ZNF385D: variants seen among roughly 807,000 people sequenced by gnomAD.
The protein encoded by ZNF385D is zinc finger protein 659.
In ZNF385D, 15 loss-of-function variants were observed where a neutral mutation model predicts 35.8. The ratio of observed to expected loss-of-function variants is 0.42; its 90% CI spans 0.28 to 0.64. The LOEUF (loss-of-function observed/expected upper bound fraction) is 0.64, where lower values mean the gene tolerates loss of function less well. Among genes scored for constraint, ZNF385D ranks in the 30% least tolerant of loss-of-function variants. ZNF385D has a pLI of 0.23. For missense variants in ZNF385D, 474 were observed against 494.6 expected, an observed-to-expected ratio of 0.96 and a Z score of 0.39; for synonymous variants, 212 against 186.8, an observed-to-expected ratio of 1.13 and a Z score of -1.10.
intron 3 of ZNF385D, among the ~76,000 whole-genome samples, chr3:21,807,048 A>T (rs2072683172): frequency 6.6e-6 from 1 of 152,076 alleles, no homozygotes; most frequent in Admixed American, 6.5e-5. Flanking sequence ...ATGGGAAACC[A>T]GAAGAGAGAA....
At chr3:21,719,455 TA>T (rs1231750059) in intron 1 of ZNF385D, among the ~76,000 whole-genome samples, 2 of 152,230 alleles carry the variant, frequency 1.3e-5, no homozygotes, top group Admixed American at 6.5e-5. Flanking sequence ...CAAGCAAAGG[TA>T]TCTCCAGTAG....
At chr3:21,717,391 G>A (rs1489924933) in intron 1 of ZNF385D, among the ~76,000 whole-genome samples, 1 of 152,134 alleles carries the variant, frequency 6.6e-6, no homozygotes, top group Non-Finnish European at 1.5e-5. Context: ...AACGCACATG[G>A]GGTTTTCAAA....
intron 3 of ZNF385D, among the ~76,000 whole-genome samples, chr3:21,514,216 G>T (rs1168007069): frequency 6.6e-6 from 1 of 152,098 alleles, no homozygotes; most frequent in African/African-American, 2.4e-5. Flanking sequence ...GGTCGTCATT[G>T]CCAGACACCT....
intron 3 of ZNF385D, among the ~76,000 whole-genome samples, chr3:21,947,883 A>T (rs1411506422): frequency 6.6e-6 from 1 of 152,086 alleles, no homozygotes; most frequent in African/African-American, 2.4e-5. Context: ...TTGAAGCAAT[A>T]TTTCTCCTGG....
intron 2 of ZNF385D, among the ~76,000 whole-genome samples, chr3:22,184,888 T>C (rs1283986089): frequency 6.6e-6 from 1 of 152,150 alleles, no homozygotes; most frequent in African/African-American, 2.4e-5. Flanking sequence ...TGTGGCTCCA[T>C]AGATACCTGT....
chr3:21,533,837 T>C (rs2125541054), intron 3 of ZNF385D, among the ~76,000 whole-genome samples: 1 of 152,236 alleles, frequency 6.6e-6, no homozygotes, highest in Admixed American at 6.5e-5. Flanking sequence ...GGAGAGACTA[T>C]ATTGGCAGAG....
chr3:22,154,525 C>T (rs1705461879), intron 3 of ZNF385D, among the ~76,000 whole-genome samples: 1 of 152,176 alleles, frequency 6.6e-6, no homozygotes, highest in East Asian at 1.9e-4. Context: ...TAAGCTCTGT[C>T]TGATCTCTTT....
chr3:21,857,829 G>A (rs1444697934), intron 3 of ZNF385D, among the ~76,000 whole-genome samples: 11 of 151,932 alleles, frequency 7.2e-5, no homozygotes, highest in Admixed American at 5.3e-4. Flanking sequence ...CCAAGCAGAG[G>A]AGGATGAAAC....
chr3:21,599,712 A>G (rs2064226185), intron 2 of ZNF385D, among the ~76,000 whole-genome samples: 1 of 152,208 alleles, frequency 6.6e-6, no homozygotes, highest in African/African-American at 2.4e-5. Context: ...AAGATTTAAA[A>G]ATCTCCAAGA....
chr3:22,261,184 C>A (rs537325132), intron 2 of ZNF385D, among the ~76,000 whole-genome samples: 1 of 151,974 alleles, frequency 6.6e-6, no homozygotes, highest in Admixed American at 6.6e-5. Context: ...TGTTGTTCAT[C>A]CATACCCCAC....
At chr3:22,209,965 A>T (rs1390188158) in intron 2 of ZNF385D, among the ~76,000 whole-genome samples, 1 of 151,822 alleles carries the variant, frequency 6.6e-6, no homozygotes, top group African/African-American at 2.4e-5. Context: ...GATATTGAAA[A>T]CTTCTTTATT....
At position 22,265,729 on chromosome 3, in the gene ZNF385D, G is replaced by A. The variant is rs188809256; in HGVS notation, c.107-96694C>T. On this transcript the variant is annotated intron_variant, in intron 2 of 5. Transcript: ENST00000494108. ...GAATATCAACCTTCCTGGGCCTCCC[G>A]GACAAAGAAAATTATCACTGATCCA... Among the ~76,000 whole-genome samples the A allele has an allele frequency of 3.9e-5, 6 of 151,912 alleles. No homozygotes were observed. The East Asian group carries it at 5.9e-4, about 15-fold the overall frequency.
chr3:21,735,250 C>A (rs78960724), intron 1 of ZNF385D, among the ~76,000 whole-genome samples: 23,336 of 152,078 alleles, frequency 0.15, 2,079 homozygotes, highest in Non-Finnish European at 0.21. Context: ...GGATAATACT[C>A]ATCTCCTAGA....
chr3:21,599,964 A>T (rs568167690), intron 2 of ZNF385D, among the ~76,000 whole-genome samples: 24 of 152,270 alleles, frequency 1.6e-4, no homozygotes, highest in African/African-American at 5.8e-4. Context: ...GGTCATAAAG[A>T]CCTTGCTGAT....
At chr3:21,912,705 G>A (rs1287447780) in intron 3 of ZNF385D, among the ~76,000 whole-genome samples, 1 of 152,014 alleles carries the variant, frequency 6.6e-6, no homozygotes, top group African/African-American at 2.4e-5. Context: ...TGGAAAAAGA[G>A]CAAAATTCAA....
chr3:22,197,961 A>C (rs1158039212), intron 2 of ZNF385D, among the ~76,000 whole-genome samples: 1 of 152,072 alleles, frequency 6.6e-6, no homozygotes, highest in East Asian at 1.9e-4. Flanking sequence ...GGCTTCATAC[A>C]ACCACTTTGT....
intron 3 of ZNF385D, among the ~76,000 whole-genome samples, chr3:21,794,116 G>A (rs942139592): frequency 6.6e-6 from 1 of 152,080 alleles, no homozygotes; most frequent in African/African-American, 2.4e-5. Flanking sequence ...ACAAATGAGA[G>A]CCTTATGTGC....
chr3:22,365,260 G>A (rs2125518882), intron 2 of ZNF385D, among the ~76,000 whole-genome samples: 1 of 151,904 alleles, frequency 6.6e-6, no homozygotes, highest in Admixed American at 6.6e-5. Context: ...ATATATTTAT[G>A]ACAAAAATAA....
At chr3:21,458,264 A>G (rs1702944379) in intron 4 of ZNF385D, among the ~76,000 whole-genome samples, 1 of 151,658 alleles carries the variant, frequency 6.6e-6, no homozygotes, top group Non-Finnish European at 1.5e-5. Flanking sequence ...CTTGAGCCCA[A>G]GAGTTCGAGA....
Sources: gnomAD v4.1 joint callset for allele counts (sites outside exome capture counted in the v4.1 genomes callset) on GRCh38, gnomAD v4.1.1 for gene constraint, MANE v1.5 for transcripts, NCBI Gene and HGNC (gene_info 2026-07-23, HGNC 2026-07-21) for gene names.